STAC: variants seen among roughly 807,000 people sequenced by gnomAD.
The protein encoded by STAC is SH3 and cysteine rich domain.
Under a neutral mutation model 48.8 loss-of-function variants are expected in STAC, and 43 were observed. The observed-to-expected ratio is 0.88, with a 90% confidence interval of 0.69 to 1.14. The LOEUF (loss-of-function observed/expected upper bound fraction) is 1.14, where lower values mean the gene tolerates loss of function less well. Ranked by LOEUF, STAC falls within the 50% of genes most tolerant of loss-of-function variation. The pLI, the probability that STAC is intolerant of heterozygous loss-of-function variation, is 0.00. For missense variants in STAC, 497 were observed against 504.0 expected (o/e 0.99, Z 0.13); for synonymous variants, 193 against 179.5 (o/e 1.07, Z -0.60).
Position 36,443,274 on chromosome 3 carries a change from G to C in STAC, c.112-90G>C. The C allele has an allele frequency of 6.8e-7, 1 of 1,466,608 alleles. No individual in the cohort carries two copies. The highest frequency in any genetic ancestry group is 9.3e-7 in the Non-Finnish European group (1 of 1,070,042). The allele number at this position is 1,466,608 out of a possible 1,614,324, so 90.8% of individuals were successfully genotyped here. On this transcript the variant is annotated intron_variant, in intron 1 of 10. Transcript: ENST00000273183. This position sits in a 1 kb window ranked among gnomAD's most constrained non-coding sequence, Gnocchi z 4.2. ...AAGACGGAGGGTGTCAGTGGGGACT[G>C]TGTAGTGCACACAGCAGACCTTACC...
At chr3:36,430,683 TG>T (rs1398480137) in intron 1 of STAC, among the ~76,000 whole-genome samples, 5 of 152,184 alleles carry the variant, frequency 3.3e-5, no homozygotes, top group Non-Finnish European at 7.4e-5. Flanking sequence ...TACCACAGAC[TG>T]GGTGGCATAA....
At chr3:36,534,874 C>T (rs906365599) in intron 10 of STAC, among the ~76,000 whole-genome samples, 4 of 152,084 alleles carry the variant, frequency 2.6e-5, no homozygotes, top group Non-Finnish European at 5.9e-5. Context: ...ACATGTTGCT[C>T]AGGCTGGTCT....
chr3:36,542,774 C>G (rs1257804417), intron 10 of STAC, among the ~76,000 whole-genome samples: 2 of 152,218 alleles, frequency 1.3e-5, no homozygotes, highest in Non-Finnish European at 2.9e-5. Context: ...AGCCCTTGCA[C>G]TCACCACATT....
At chr3:36,510,927 G>T (rs1372553092) in intron 8 of STAC, among the ~76,000 whole-genome samples, 1 of 151,718 alleles carries the variant, frequency 6.6e-6, no homozygotes, top group Non-Finnish European at 1.5e-5. Context: ...TGCACGTTCT[G>T]CACATGTATC....
intron 8 of STAC, among the ~76,000 whole-genome samples, chr3:36,508,061 C>G (rs1698446764): frequency 6.6e-6 from 1 of 152,126 alleles, no homozygotes; most frequent in African/African-American, 2.4e-5. Context: ...GCATTTAGTG[C>G]TATATATTTC....
chr3:36,422,913 G>T (rs980447528), intron 1 of STAC, among the ~76,000 whole-genome samples: 2 of 152,068 alleles, frequency 1.3e-5, no homozygotes, highest in African/African-American at 4.8e-5. Context: ...ACTAGTGAGG[G>T]AAAGGATAAG....
chr3:36,467,533 T>A (rs761944403), intron 2 of STAC, among the ~76,000 whole-genome samples: 1 of 152,248 alleles, frequency 6.6e-6, no homozygotes, highest in South Asian at 2.1e-4. Flanking sequence ...TGTTAATTGG[T>A]CTGTTCAGAG....
chr3:36,515,802 C>A (rs1698657147), intron 8 of STAC, among the ~76,000 whole-genome samples: 1 of 151,800 alleles, frequency 6.6e-6, no homozygotes, highest in African/African-American at 2.4e-5. Context: ...CAACAGAACT[C>A]TGTTTTAGGG....
At chr3:36,394,630 C>T (rs1699819267) in intron 1 of STAC, among the ~76,000 whole-genome samples, 1 of 152,180 alleles carries the variant, frequency 6.6e-6, no homozygotes, top group South Asian at 2.1e-4. Context: ...GGCACAGTGG[C>T]TCACACCTGT....
At position 36,484,975 on chromosome 3, in the gene STAC, A is replaced by C; in HGVS notation, c.490-2A>C. ...CCCTTGCCTTCCTCATTCTCTCTCC[A>C]GCCAAAGGGGTTTCGGCGTTACTAC... On this transcript the variant is annotated splice_acceptor_variant, in intron 3 of 10. Coordinates refer to ENST00000273183, the MANE Select transcript of STAC (RefSeq NM_003149.3). LOFTEE classifies it high-confidence loss of function. 1.3e-6 allele frequency: 2 copies of C among 1,592,656 alleles called. No homozygotes were observed. Among genetic ancestry groups the C allele is most frequent in the Non-Finnish European group, 1.7e-6 (2 of 1,168,978 alleles).
intron 5 of STAC, 140 bp from the exon 6 acceptor site, chr3:36,493,011 A>T: frequency 1.4e-6 from 1 of 689,998 alleles, no homozygotes; most frequent in Non-Finnish European, 2.4e-6. Context: ...CTCTGAAGTT[A>T]GCCAAACAGC....
intron 3 of STAC, among the ~76,000 whole-genome samples, chr3:36,483,464 T>C (rs1039260963): frequency 1.1e-4 from 17 of 152,188 alleles, no homozygotes; most frequent in Admixed American, 6.5e-4. Flanking sequence ...GTCACTCTAG[T>C]GCTTCCTTGG....
intron 1 of STAC, among the ~76,000 whole-genome samples, chr3:36,442,739 TACACACACACACACAC>T (rs10528748): frequency 0.015 from 1,957 of 133,458 alleles, 31 homozygotes; most frequent in South Asian, 0.038. Flanking sequence ...TCCTATGTCC[TACACACACACACACAC>T]ACACACACAC....
chr3:36,447,691 A>G (rs905220913), intron 2 of STAC, among the ~76,000 whole-genome samples: 1 of 151,866 alleles, frequency 6.6e-6, no homozygotes, highest in Admixed American at 6.6e-5. Flanking sequence ...ACACAAAGAC[A>G]TTGAACTAAA....
chr3:36,431,723 C>A (rs1041530910), intron 1 of STAC, among the ~76,000 whole-genome samples: 8 of 152,098 alleles, frequency 5.3e-5, no homozygotes, highest in African/African-American at 1.9e-4. Flanking sequence ...GTCAGTAGTT[C>A]TCTTACTCAA....
At chr3:36,413,885 C>G (rs989812218) in intron 1 of STAC, among the ~76,000 whole-genome samples, 4 of 152,058 alleles carry the variant, frequency 2.6e-5, no homozygotes, top group Admixed American at 6.6e-5. Flanking sequence ...GACAAAATCT[C>G]TCAGCATTTG....
intron 8 of STAC, among the ~76,000 whole-genome samples, chr3:36,519,204 T>A (rs1220108658): frequency 6.6e-6 from 1 of 152,178 alleles, no homozygotes; most frequent in Non-Finnish European, 1.5e-5. Flanking sequence ...AAAGAGGTGG[T>A]GAAAATTCAT....
chr3:36,486,170 T>C lies in STAC; in HGVS notation c.608T>C (p.Leu203Pro). 1 of 1,613,958 alleles carries C rather than the reference T, an allele frequency of 6.2e-7. No homozygotes were observed. Among genetic ancestry groups the C allele is most frequent in the Non-Finnish European group, 8.5e-7 (1 of 1,179,916 alleles). ...GNKVDPVYETLRFGTSLAQRT... is the reference protein window; with the variant it reads ...GNKVDPVYETPRFGTSLAQRT... ...AAGGTGGACCCTGTCTACGAGACCCTCCGCTTCGGCACCTCCCTGGCCCAG... is the reference window on the plus strand; with the variant it reads ...AAGGTGGACCCTGTCTACGAGACCCCCCGCTTCGGCACCTCCCTGGCCCAG... Residue 203 changes from leucine to proline, a missense_variant, in exon 5 of 11, where the codon CTC becomes CCC. Leu to Pro is a moderately conservative substitution (Grantham distance 98). Coordinates refer to ENST00000273183, the MANE Select transcript of STAC (RefSeq NM_003149.3).
intron 1 of STAC, among the ~76,000 whole-genome samples, chr3:36,406,218 T>C (rs1700085503): frequency 6.6e-6 from 1 of 152,180 alleles, no homozygotes; most frequent in African/African-American, 2.4e-5. Flanking sequence ...GACTCTGAGA[T>C]GGAGAATCAC....
Sources: gnomAD v4.1 joint callset for allele counts (sites outside exome capture counted in the v4.1 genomes callset) on GRCh38, gnomAD v4.1.1 for gene constraint, Gnocchi (gnomAD v3.1) non-coding constraint, MANE v1.5 for transcripts, NCBI Gene and HGNC (gene_info 2026-07-23, HGNC 2026-07-21) for gene names.